HERC2: variants seen among roughly 807,000 people sequenced by gnomAD.
HERC2 encodes the protein HECT and RLD domain containing E3 ubiquitin protein ligase 2.
HERC2 carries 102 observed loss-of-function variants against 537.7 expected under a neutral mutation model. The ratio of observed to expected loss-of-function variants is 0.19; its 90% CI spans 0.16 to 0.22. The LOEUF is 0.22. Ranked by LOEUF, HERC2 falls within the 10% of genes least tolerant of loss-of-function variation. HERC2 has a pLI of 1.00. For missense variants in HERC2, 4,236 were observed against 6,198.2 expected (o/e 0.68, Z 10.63); for synonymous variants, 2,224 against 2,466.2 (o/e 0.90, Z 2.91).
At chr15:28,124,287 C>T in intron 84 of HERC2, 53 bp from the exon 85 acceptor site, 1 of 1,212,976 alleles carries the variant, frequency 8.2e-7, no homozygotes, top group Non-Finnish European at 1.1e-6. Context: ...CACACGGGGG[C>T]CAGTGTGGCA....
In HERC2 at chr15:28,238,702, C is replaced by G; in HGVS notation, c.3648G>C (p.Glu1216Asp). The G allele has an allele frequency of 3.7e-6, 6 of 1,611,354 alleles. No homozygotes were observed. The highest frequency in any genetic ancestry group is 5.1e-6 in the Non-Finnish European group (6 of 1,179,260). ...AGAAGCCTCCATCTTTATTATGGTTCTCCAAATCAGCTTTGCGTATAAGTG... is the reference window on the plus strand; with the variant it reads ...AGAAGCCTCCATCTTTATTATGGTTGTCCAAATCAGCTTTGCGTATAAGTG... ...EVTLIRKADL[E>D]NHNKDGGFWT... is the part of the protein sequence containing the mutation. Residue 1216 changes from glutamate to aspartate, a missense_variant, in exon 24 of 93, where the codon GAG (glutamate) becomes GAC (aspartate). By Grantham distance (45) the Glu-to-Asp change is conservative. Transcript: ENST00000261609.
rs1889329724 is a variant in HERC2, at chr15:28,125,075, G to A, written c.12921C>T (p.Ala4307=). The change falls in exon 84 of 93, where the codon GCC becomes GCT. Residue 4307 remains alanine (A), a synonymous_variant. Coordinates refer to ENST00000261609, the MANE Select transcript of HERC2 (RefSeq NM_004667.6). ...ALQGKKVNRV[A]CGSAHTLAWS... ...AGGCGAGGGTATGTGCTGAGCCACA[G>A]GCCACACGGTTGACCTTCTTACCCT... The A allele has an allele frequency of 1.2e-6, 2 of 1,613,830 alleles. No individual in the cohort carries two copies. The highest frequency in any genetic ancestry group is 8.5e-7 in the Non-Finnish European group (1 of 1,179,688).
intron 2 of HERC2, among the ~76,000 whole-genome samples, chr15:28,313,079 A>G (rs2076989270): frequency 1.3e-5 from 2 of 151,926 alleles, no homozygotes; most frequent in African/African-American, 4.8e-5. Context: ...CACCAACACC[A>G]TAACATGCAC....
chr15:28,175,430 C>A, intron 64 of HERC2, 82 bp downstream of exon 64: 1 of 1,324,826 alleles, frequency 7.5e-7, no homozygotes. Context: ...GCTGTGATTT[C>A]AACAGGACGA....
chr15:28,129,113 T>A (rs1320838008), intron 83 of HERC2, among the ~76,000 whole-genome samples: 1 of 152,138 alleles, frequency 6.6e-6, no homozygotes, highest in Non-Finnish European at 1.5e-5. Flanking sequence ...ACCTGAAAAG[T>A]CCCTTTTGCC....
At position 28,120,838 on chromosome 15, in the gene HERC2, C is replaced by T. The variant is rs952082838; in HGVS notation, c.13272+508G>A. ...TGCCTGTACCACAGAAAAGTGGGCA[C>T]GGCCCCCCAGCACCATCAGAGAAAT... On this transcript the variant is annotated intron_variant, in intron 86 of 92. Transcript: ENST00000261609. Among the ~76,000 whole-genome samples, 8 of 152,196 alleles carry T rather than the reference C, an allele frequency of 5.3e-5. No individual in the cohort carries two copies. The East Asian group carries it at 1.2e-3, about 22-fold the overall frequency.
At chr15:28,305,178 G>A (rs1384492904) in intron 2 of HERC2, among the ~76,000 whole-genome samples, 4 of 145,830 alleles carry the variant, frequency 2.7e-5, no homozygotes, top group African/African-American at 5.0e-5. Flanking sequence ...ATAAACATAC[G>A]TGTGCATGTG....
At chr15:28,295,308 T>TGGGGGGGGGGG (rs3079935) in intron 3 of HERC2, among the ~76,000 whole-genome samples, 2 of 79,620 alleles carry the variant, frequency 2.5e-5, no homozygotes, top group Non-Finnish European at 2.4e-5. Context: ...TACATGTGTG[T>TGGGGGGGGGGG]GGGGGGGGGG....
rs1279410114 is a variant in HERC2, at chr15:28,113,479, CAG to C, written c.14019+92_14019+93del. 1.7e-6 allele frequency: 2 copies of C among 1,206,716 alleles called. No homozygotes were observed. Among genetic ancestry groups the C allele is most frequent in the African/African-American group, 3.0e-5 (2 of 66,818 alleles). 74.8% of individuals were successfully genotyped at this position (1,206,716 alleles called of 1,614,324 possible). A position where few individuals can be genotyped will look rare whatever the true frequency, so the allele number is the denominator to read the frequency against. ...GAGTGCACTCCCTTCAGTCAACACA[CAG>C]GGCAAGGTTCTGACTCTAACTGCTG... On this transcript the variant is annotated intron_variant, in intron 91 of 92. Transcript: ENST00000261609. The surrounding 1 kb of genome is among the most constrained non-coding windows in gnomAD (Gnocchi z 7.0).
At chr15:28,297,496 CTGAG>C (rs1277875576) in intron 3 of HERC2, among the ~76,000 whole-genome samples, 4 of 151,368 alleles carry the variant, frequency 2.6e-5, no homozygotes, top group Non-Finnish European at 4.4e-5. Flanking sequence ...TTTATATTAA[CTGAG>C]TAACACCTCC....
At chr15:28,156,243 C>A (rs370845249) in intron 69 of HERC2, among the ~76,000 whole-genome samples, 2 of 152,118 alleles carry the variant, frequency 1.3e-5, no homozygotes, top group Middle Eastern at 3.2e-3. Flanking sequence ...CTTGGCAATG[C>A]GGGCTCTTTT....
intron 89 of HERC2, 169 bp downstream of exon 89, chr15:28,115,260 C>CTTT: frequency 2.2e-6 from 1 of 455,170 alleles, no homozygotes; most frequent in Non-Finnish European, 3.8e-6. Flanking sequence ...AATAGATGGT[C>CTTT]TATTTTTTTT....
intron 88 of HERC2, 146 bp downstream of exon 88, chr15:28,116,519 A>G: frequency 1.1e-6 from 1 of 895,320 alleles, no homozygotes; most frequent in Non-Finnish European, 1.7e-6. Context: ...GCCTCACCCT[A>G]AAAGTCATTT....
chr15:28,321,243 T>C (rs2077220755), intron 2 of HERC2, 119 bp downstream of exon 2: 1 of 640,892 alleles, frequency 1.6e-6, no homozygotes, highest in Admixed American at 2.5e-5. Context: ...ATAAACCTGC[T>C]CCTCTAATTC....
chr15:28,156,660 A>T (rs1234440135), intron 69 of HERC2, among the ~76,000 whole-genome samples: 2 of 152,170 alleles, frequency 1.3e-5, no homozygotes, highest in African/African-American at 4.8e-5. Flanking sequence ...GGCTGAGACG[A>T]TGGGGTTTTC....
intron 38 of HERC2, among the ~76,000 whole-genome samples, chr15:28,218,209 C>A (rs183808592): frequency 0.019 from 2,878 of 151,800 alleles, 88 homozygotes; most frequent in African/African-American, 0.067. Flanking sequence ...CCTCTACAAG[C>A]CGAGGAACGC....
intron 68 of HERC2, among the ~76,000 whole-genome samples, chr15:28,164,585 A>G (rs994864888): frequency 6.6e-6 from 1 of 152,178 alleles, no homozygotes; most frequent in African/African-American, 2.4e-5. Context: ...ACAAACACAG[A>G]AAATATGTCT....
intron 20 of HERC2, among the ~76,000 whole-genome samples, chr15:28,248,963 G>C (rs578019748): frequency 1.3e-5 from 2 of 152,298 alleles, no homozygotes; most frequent in South Asian, 4.1e-4. Context: ...TGATGCCCTC[G>C]TGCTTCACTA....
chr15:28,279,963 G>C (rs1377232430), intron 5 of HERC2, 105 bp downstream of exon 5: 13 of 815,340 alleles, frequency 1.6e-5, no homozygotes, highest in Admixed American at 2.8e-5. Flanking sequence ...ATAAATTTCA[G>C]AAGGTGAAGA....
Sources: allele counts gnomAD v4.1 joint callset (sites outside exome capture counted in the v4.1 genomes callset), GRCh38; gene constraint gnomAD v4.1.1; non-coding constraint Gnocchi (gnomAD v3.1); transcripts MANE v1.5; gene names NCBI Gene and HGNC (gene_info 2026-07-23, HGNC 2026-07-21).